The following CSMD1 variants were observed in gnomAD, a reference collection of about 807,000 sequenced individuals.
The protein encoded by CSMD1 is CUB and Sushi multiple domains 1.
A neutral mutation model predicts 417.5 loss-of-function variants in CSMD1; 213 were observed. The observed-to-expected ratio is 0.51, with a 90% confidence interval of 0.46 to 0.57. CSMD1 has a LOEUF of 0.57. Among genes scored for constraint, CSMD1 ranks in the 20% least tolerant of loss-of-function variants. The pLI, the probability that CSMD1 is intolerant of heterozygous loss-of-function variation, is 0.00. For synonymous variants in CSMD1, 2,862 were observed against 1,736.8 expected, an observed-to-expected ratio of 1.65 and a Z score of -16.11; for missense variants, 6,923 against 4,529.7, an observed-to-expected ratio of 1.53 and a Z score of -15.17.
intron 5 of CSMD1, among the ~76,000 whole-genome samples, chr8:3,763,444 C>T (rs963791877): frequency 4.6e-5 from 7 of 151,976 alleles, no homozygotes; most frequent in Non-Finnish European, 8.8e-5. Flanking sequence ...TTAAAAGAGC[C>T]TAGCACTCCC....
chr8:3,518,437 T>G (rs1797370910), intron 10 of CSMD1, among the ~76,000 whole-genome samples: 1 of 152,178 alleles, frequency 6.6e-6, no homozygotes. Context: ...AAAATCTGCT[T>G]TTAAAATTCT....
chr8:3,467,639 A>G lies in CSMD1; in HGVS notation c.1561+1073T>C, dbSNP rs141929065. The stretch of plus-strand genomic sequence containing the variant: ...CCTATTTTATGCTTTGTAGATGAGG[A>G]TACTCCGGGGTGGGCCCACACACCA... On this transcript the variant is annotated intron_variant, in intron 12 of 69. Coordinates refer to ENST00000635120, the MANE Select transcript of CSMD1 (RefSeq NM_033225.6). Among the ~76,000 whole-genome samples the G allele has an allele frequency of 2.4e-3, 359 of 152,246 alleles. 3 individuals are homozygous for G. Among genetic ancestry groups the G allele is most frequent in the African/African-American group, 8.3e-3 (346 of 41,548 alleles).
intron 7 of CSMD1, among the ~76,000 whole-genome samples, chr8:3,643,553 T>C (rs1232009266): frequency 1.3e-5 from 2 of 151,672 alleles, no homozygotes; most frequent in Non-Finnish European, 2.9e-5. Flanking sequence ...ATACAAAAAT[T>C]GGCCGGGCGT....
intron 5 of CSMD1, among the ~76,000 whole-genome samples, chr8:3,819,024 C>A (rs1305822770): frequency 6.6e-6 from 1 of 152,144 alleles, no homozygotes; most frequent in Non-Finnish European, 1.5e-5. Context: ...CTTTTGACAT[C>A]CAGATTGACG....
intron 7 of CSMD1, among the ~76,000 whole-genome samples, chr8:3,622,471 C>G (rs933805156): frequency 6.6e-5 from 10 of 152,144 alleles, no homozygotes; most frequent in African/African-American, 2.4e-4. Context: ...CAAGGAATAG[C>G]AGTTAAAAGA....
intron 18 of CSMD1, among the ~76,000 whole-genome samples, chr8:3,385,185 CTAAA>C (rs1208835828): frequency 7.3e-6 from 1 of 137,888 alleles, no homozygotes; most frequent in Admixed American, 7.6e-5. Flanking sequence ...ATATAGAAGT[CTAAA>C]TATATAAATA....
chr8:4,714,503 C>T (rs958187486), intron 1 of CSMD1, among the ~76,000 whole-genome samples: 6 of 152,102 alleles, frequency 3.9e-5, no homozygotes, highest in African/African-American at 7.2e-5. Flanking sequence ...TTCAGAAATA[C>T]TTTAATAATT....
chr8:3,885,710 A>C (rs75564607), intron 5 of CSMD1, among the ~76,000 whole-genome samples: 1,826 of 152,194 alleles, frequency 0.012, 18 homozygotes, highest in South Asian at 0.02. Context: ...GAGCTCATGA[A>C]ATTTCAGGCA....
chr8:3,845,741 C>A (rs921790851), intron 5 of CSMD1, among the ~76,000 whole-genome samples: 1 of 152,134 alleles, frequency 6.6e-6, no homozygotes, highest in Non-Finnish European at 1.5e-5. Flanking sequence ...TTTACTCTTA[C>A]AATAACACAT....
chr8:4,517,633 G>A (rs1301962820), intron 2 of CSMD1, among the ~76,000 whole-genome samples: 1 of 152,126 alleles, frequency 6.6e-6, no homozygotes, highest in Non-Finnish European at 1.5e-5. Context: ...AAACACCTAA[G>A]AGCCACGAAG....
intron 45 of CSMD1, 30 bp downstream of exon 45, chr8:3,107,688 T>A: frequency 7.7e-7 from 1 of 1,300,522 alleles, no homozygotes; most frequent in Non-Finnish European, 1.1e-6. Context: ...TCGTGCTGAA[T>A]TCATGGTATT....
At chr8:2,957,868 T>C (rs1346322503) in intron 62 of CSMD1, 61 bp from the exon 63 acceptor site, 5 of 1,158,860 alleles carry the variant, frequency 4.3e-6, no homozygotes, top group Non-Finnish European at 6.3e-6. Context: ...TGTCAACTAG[T>C]GATACCTGAA....
At chr8:4,598,548 T>C (rs1800403771) in intron 2 of CSMD1, among the ~76,000 whole-genome samples, 1 of 152,166 alleles carries the variant, frequency 6.6e-6, no homozygotes, top group Non-Finnish European at 1.5e-5. Context: ...TGCCAAAAGA[T>C]GCAAGGAAAA....
chr8:3,720,158 C>T lies in CSMD1; in HGVS notation c.932-11667G>A, dbSNP rs576655852. Among the ~76,000 whole-genome samples, 18 of 152,226 alleles carry T rather than the reference C, an allele frequency of 1.2e-4. No homozygotes were observed. In the South Asian group the frequency reaches 2.9e-3, roughly 25 times the overall value. The stretch of plus-strand genomic sequence containing the variant: ...TTCAGCTTTTCCCGTTAAACTTCAC[C>T]GCACACAGGAAGCTGGGGATGAACC... On this transcript the variant is annotated intron_variant, in intron 6 of 69. Coordinates refer to ENST00000635120, the MANE Select transcript of CSMD1 (RefSeq NM_033225.6).
chr8:3,840,681 T>A (rs1463207810), intron 5 of CSMD1, among the ~76,000 whole-genome samples: 1 of 148,956 alleles, frequency 6.7e-6, no homozygotes, highest in Non-Finnish European at 1.5e-5. Context: ...GTGACCTCAA[T>A]TCTTTTTTTT....
intron 25 of CSMD1, among the ~76,000 whole-genome samples, chr8:3,292,303 G>A (rs547643656): frequency 6.6e-6 from 1 of 152,276 alleles, no homozygotes; most frequent in African/African-American, 2.4e-5. Flanking sequence ...TGTATATTTT[G>A]TTGATTTGGG....
At chr8:4,974,587 A>G (rs550041268) in intron 1 of CSMD1, among the ~76,000 whole-genome samples, 2 of 152,288 alleles carry the variant, frequency 1.3e-5, no homozygotes, top group South Asian at 2.1e-4. Context: ...CGTTTTATGT[A>G]TAACAAACAT....
intron 2 of CSMD1, among the ~76,000 whole-genome samples, chr8:4,586,794 C>G (rs150501091): frequency 6.6e-6 from 1 of 152,322 alleles, no homozygotes; most frequent in Non-Finnish European, 1.5e-5. Flanking sequence ...CAGGATGATA[C>G]TGGGCTGCAG....
intron 2 of CSMD1, among the ~76,000 whole-genome samples, chr8:4,606,373 T>G (rs1008698332): frequency 6.6e-6 from 1 of 152,038 alleles, no homozygotes; most frequent in African/African-American, 2.4e-5. Flanking sequence ...AAAAAAGAGT[T>G]CTTTCTGTGC....
Sources: allele counts gnomAD v4.1 joint callset (sites outside exome capture counted in the v4.1 genomes callset), GRCh38; gene constraint gnomAD v4.1.1; transcripts MANE v1.5; gene names NCBI Gene and HGNC (gene_info 2026-07-23, HGNC 2026-07-21).